The following RAD23A variants were observed in gnomAD, a reference collection of about 807,000 sequenced individuals.
RAD23A encodes the protein RAD23 nucleotide excision repair protein A, also known as lysine-specific demethylase RAD23A.
A neutral mutation model predicts 44.8 loss-of-function variants in RAD23A; 16 were observed. The ratio of observed to expected loss-of-function variants is 0.36; its 90% CI spans 0.24 to 0.54. The LOEUF is 0.54. Ranked by LOEUF, RAD23A falls within the 20% of genes least tolerant of loss-of-function variation. The pLI is 0.89. For missense variants in RAD23A, 380 were observed against 483.3 expected (o/e 0.79, Z 2.00); for synonymous variants, 217 against 202.9 (o/e 1.07, Z -0.59).
In RAD23A at chr19:12,949,110, C is replaced by T. The variant is rs144272191; in HGVS notation, c.630C>T (p.His210=). 92 of 1,613,724 alleles carry T rather than the reference C, an allele frequency of 5.7e-5. No homozygotes were observed. Among genetic ancestry groups the T allele is most frequent in the Non-Finnish European group, 6.6e-5 (78 of 1,179,838 alleles). ...TGIPGSPEPE[H]GSVQESQVSE... ...TTCCTGGGAGCCCCGAGCCGGAACACGGTTCTGTCCAGGAGAGCCAGGTAT... is the reference window on the plus strand; with the variant it reads ...TTCCTGGGAGCCCCGAGCCGGAACATGGTTCTGTCCAGGAGAGCCAGGTAT... Residue 210 remains histidine (H), a synonymous_variant, in exon 6 of 9, where the codon CAC becomes CAT. Transcript: ENST00000586534.
At position 12,948,524 on chromosome 19, in the gene RAD23A, G is replaced by A. The variant is rs1195393194; in HGVS notation, c.444G>A (p.Gly148=). Residue 148 remains glycine, a synonymous_variant, in exon 4 of 9, where the codon GGG becomes GGA. Coordinates refer to ENST00000586534, the MANE Select transcript of RAD23A (RefSeq NM_005053.4). This position sits in a 1 kb window ranked among gnomAD's most constrained non-coding sequence, Gnocchi z 5.5. ...CTGTTCCCTCTTCAGGTAGCAGCGG[G>A]CGAGAGGAAGACGCGGCCTCCACGC... is the stretch of plus-strand genomic sequence containing the variant. ...SGSVPSSGSS[G]REEDAASTLV... The A allele has an allele frequency of 2.5e-6, 4 of 1,595,966 alleles. No homozygotes were observed. Among genetic ancestry groups the A allele is most frequent in the African/African-American group, 1.3e-5 (1 of 74,390 alleles).
chr19:12,949,575 T>G, intron 7 of RAD23A, 167 bp downstream of exon 7: 1 of 878,326 alleles, frequency 1.1e-6, no homozygotes, highest in Non-Finnish European at 1.7e-6. Context: ...CCCTGGTTTC[T>G]CAGTCTTCCC....
rs990286793 is a variant in RAD23A, at chr19:12,952,578, G to A, written c.814-111G>A. The A allele has an allele frequency of 3.1e-5, 39 of 1,258,000 alleles. 1 individual carries two copies. In the South Asian group the frequency reaches 5.4e-4, roughly 17 times the overall value. The allele number at this position is 1,258,000 out of a possible 1,614,324, so 77.9% of individuals were successfully genotyped here. The stretch of plus-strand genomic sequence containing the variant: ...GCTATGTTGTGTTTGGCCAGAACAG[G>A]CTCCTCTGGATATTTGCCTGACTGA... On this transcript the variant is annotated intron_variant, in intron 7 of 8. Transcript: ENST00000586534.
chr19:12,949,709 T>A, intron 7 of RAD23A: 1 of 459,442 alleles, frequency 2.2e-6, no homozygotes, highest in Non-Finnish European at 4.0e-6. Context: ...GCCTCCTGCC[T>A]CGGGGTGGGG....
chr19:12,951,943 T>C (rs1447997312), intron 7 of RAD23A, among the ~76,000 whole-genome samples: 1 of 151,500 alleles, frequency 6.6e-6, no homozygotes, highest in Non-Finnish European at 1.5e-5. Flanking sequence ...CTCACTCACT[T>C]ATTTTTTGAG....
chr19:12,952,517 A>G, intron 7 of RAD23A, 172 bp from the exon 8 acceptor site: 1 of 745,002 alleles, frequency 1.3e-6, no homozygotes. Context: ...TTAAAAGCAC[A>G]TCATCAGCTC....
At position 12,948,072 on chromosome 19, in the gene RAD23A, T is replaced by C. The variant is rs1467241281; in HGVS notation, c.234+63T>C. 21 of 1,607,504 alleles carry C rather than the reference T, an allele frequency of 1.3e-5. No individual in the cohort carries two copies. In the South Asian group the frequency reaches 1.7e-4, roughly 13 times the overall value. On this transcript the variant is annotated intron_variant, in intron 2 of 8. Transcript: ENST00000586534. The surrounding 1 kb of genome is among the most constrained non-coding windows in gnomAD (Gnocchi z 5.5). The stretch of plus-strand genomic sequence containing the variant: ...AGCTGGGGAGCTGGCAAAGAGCCTG[T>C]GTGCCCAGGAGAGATTAGCTGTGAA...
Position 12,952,770 on chromosome 19 carries a change from GGGGA to G in RAD23A, c.898_901del (p.Glu300TrpfsTer4). The G allele has an allele frequency of 6.2e-7, 1 of 1,604,684 alleles. No individual in the cohort carries two copies. The highest frequency in any genetic ancestry group is 8.5e-7 in the Non-Finnish European group (1 of 1,175,686). ...GCTGGCGGACATCTCAGATGTGGAG[GGGGA>G]GGTGGGCGCCATAGGAGAGGAGGCC... On this transcript the variant is annotated frameshift_variant, in exon 8 of 9. Coordinates refer to ENST00000586534, the MANE Select transcript of RAD23A (RefSeq NM_005053.4). LOFTEE classifies it high-confidence loss of function.
Position 12,953,062 on chromosome 19 carries a change from A to G in RAD23A, c.*13A>G, listed in dbSNP as rs375027559. The stretch of plus-strand genomic sequence containing the variant: ...TGATGACGAGTGATGCCAGGAAGCC[A>G]GGCCACCGAAGCCCCCACCCTACCC... On this transcript the variant is annotated 3_prime_UTR_variant, in exon 9 of 9. Coordinates refer to ENST00000586534, the MANE Select transcript of RAD23A (RefSeq NM_005053.4). 2.4e-4 allele frequency: 377 copies of G among 1,597,196 alleles called. No homozygotes were observed. The highest frequency in any genetic ancestry group is 3.1e-4 in the Non-Finnish European group (358 of 1,164,786).
In RAD23A at chr19:12,953,318, CT is replaced by C; in HGVS notation, c.*270del. The C allele has an allele frequency of 3.4e-6, 1 of 292,658 alleles. No homozygotes were observed. Among genetic ancestry groups the C allele is most frequent in the Admixed American group, 4.9e-5 (1 of 20,246 alleles). The allele number at this position is 292,658 out of a possible 1,614,324, so 18.1% of individuals were successfully genotyped here. A position where few individuals can be genotyped will look rare whatever the true frequency, so the allele number is the denominator to read the frequency against. On this transcript the variant is annotated 3_prime_UTR_variant, in exon 9 of 9. Transcript: ENST00000586534. Reference sequence around the variant, plus strand: ...GGACTGGGAGGCGACAGATGGGCCCCTCTTGGCCTCTGTCCCAGCTCTCTGC... The same window carrying C: ...GGACTGGGAGGCGACAGATGGGCCCCCTTGGCCTCTGTCCCAGCTCTCTGC...
intron 7 of RAD23A, among the ~76,000 whole-genome samples, chr19:12,952,211 T>C (rs895121668): frequency 6.6e-6 from 1 of 151,894 alleles, no homozygotes; most frequent in African/African-American, 2.4e-5. Flanking sequence ...AGCCTATTTA[T>C]GTATTTATTT....
chr19:12,952,576 A>G (rs777022964), intron 7 of RAD23A, 113 bp from the exon 8 acceptor site: 127 of 1,248,116 alleles, frequency 1.0e-4, no homozygotes, highest in Non-Finnish European at 1.4e-4. Flanking sequence ...TGGCCAGAAC[A>G]GGCTCCTCTG....
chr19:12,949,452 C>G (rs1157784433), intron 7 of RAD23A, 44 bp downstream of exon 7: 10 of 1,597,520 alleles, frequency 6.3e-6, no homozygotes, highest in African/African-American at 1.3e-5. Context: ...CCACCATTTC[C>G]CTTCCCTGTG....
chr19:12,952,487 C>G, intron 7 of RAD23A: 1 of 606,262 alleles, frequency 1.6e-6, no homozygotes, highest in Non-Finnish European at 2.8e-6. Context: ...CCACCGTGCC[C>G]GGCTTATTTC....
chr19:12,951,511 A>G (rs952026271), intron 7 of RAD23A, among the ~76,000 whole-genome samples: 5 of 149,574 alleles, frequency 3.3e-5, no homozygotes, highest in Non-Finnish European at 7.5e-5. Flanking sequence ...CAGTGGCGTG[A>G]TCTCAGCTCA....
Position 12,945,884 on chromosome 19 carries a change from TGGC to T in RAD23A, c.-57_-55del. ...GGCGCGGCGCGCCTGGGCGCTAAGA[TGGC>T]GGCGGCGTGAGTTGCATGTTGTGTG... On this transcript the variant is annotated 5_prime_UTR_variant, in exon 1 of 9. Transcript: ENST00000586534. The T allele has an allele frequency of 1.9e-6, 3 of 1,548,416 alleles. No homozygotes were observed. The highest frequency in any genetic ancestry group is 2.6e-6 in the Non-Finnish European group (3 of 1,132,634).
rs767606169 is a variant in RAD23A at position 12,948,308 on chromosome 19, G to C, written c.366G>C (p.Lys122Asn). 2.4e-5 allele frequency: 38 copies of C among 1,611,620 alleles called. No individual in the cohort carries two copies. In the Admixed American group the frequency reaches 4.0e-4, roughly 17 times the overall value. ...CCCCACCTGCCGCCAGAGAGGACAA[G>C]AGCCCATCAGAGGAATCCGCCCCCA... is the stretch of plus-strand genomic sequence containing the variant. ...SHPPPAARED[K>N]SPSEESAPTT... The change falls in exon 3 of 9, where the codon AAG becomes AAC. Residue 122 changes from lysine (K) to asparagine (N), a missense_variant. Transcript: ENST00000586534. This position sits in a 1 kb window ranked among gnomAD's most constrained non-coding sequence, Gnocchi z 5.5.
At chr19:12,949,239 G>A (rs959020135) in intron 6 of RAD23A, 36 bp from the exon 7 acceptor site, 26 of 1,613,704 alleles carry the variant, frequency 1.6e-5, no homozygotes, top group Non-Finnish European at 2.1e-5. Flanking sequence ...CTAGGAGCCC[G>A]GCGTGGTGTC....
At position 12,948,582 on chromosome 19, in the gene RAD23A, A is replaced by T; in HGVS notation, c.472+30A>T. ...GTGGGTGGTCCCCAGGGCAGAGGTG[A>T]CTGGGTGCCCCAGCCATCAGCTGGG... On this transcript the variant is annotated intron_variant, in intron 4 of 8. Coordinates refer to ENST00000586534, the MANE Select transcript of RAD23A (RefSeq NM_005053.4). This position sits in a 1 kb window ranked among gnomAD's most constrained non-coding sequence, Gnocchi z 5.5. 1 of 1,578,134 alleles carries T rather than the reference A, an allele frequency of 6.3e-7. No homozygotes were observed. The highest frequency in any genetic ancestry group is 1.7e-4 in the Middle Eastern group (1 of 5,876).
Sources: allele counts gnomAD v4.1 joint callset (sites outside exome capture counted in the v4.1 genomes callset), GRCh38; gene constraint gnomAD v4.1.1; non-coding constraint Gnocchi (gnomAD v3.1); transcripts MANE v1.5; gene names NCBI Gene and HGNC (gene_info 2026-07-23, HGNC 2026-07-21).